The following RUVBL2 variants were observed in gnomAD, a reference collection of about 807,000 sequenced individuals.
RUVBL2 encodes the protein ruvB-like 2.
RUVBL2 carries 9 observed loss-of-function variants against 57.9 expected under a neutral mutation model. That is an observed-to-expected ratio of 0.16 (90% confidence interval 0.09 to 0.27). RUVBL2 has a LOEUF of 0.27. Ranked by LOEUF, RUVBL2 falls within the 10% of genes least tolerant of loss-of-function variation. RUVBL2 has a pLI of 1.00. For missense variants in RUVBL2, 456 were observed against 669.6 expected, an observed-to-expected ratio of 0.68 and a Z score of 3.52; for synonymous variants, 278 against 264.6, an observed-to-expected ratio of 1.05 and a Z score of -0.49.
rs2039534469 is a variant in RUVBL2, at chr19:49,015,699, A to G, written c.1366+13A>G. On this transcript the variant is annotated intron_variant, in intron 14 of 14. Transcript: ENST00000595090. ...TTCAACGAACTCAGTAAGAATCCCC[A>G]CCCCGCACCTGCACTGCCAGAGCCA... 6.2e-7 allele frequency: 1 copy of G among 1,611,440 alleles called. No individual in the cohort carries two copies. The highest frequency in any genetic ancestry group is 8.5e-7 in the Non-Finnish European group (1 of 1,178,124).
chr19:48,993,759 C>CG (rs1263497932), upstream of RUVBL2: 19 of 963,888 alleles, frequency 2.0e-5, no homozygotes, highest in African/African-American at 4.8e-5. Context: ...GGTGGGAGGG[C>CG]GGGGCATAAA....
chr19:49,011,447 A>G lies in RUVBL2; in HGVS notation c.1001+137A>G. The G allele has an allele frequency of 2.9e-6, 2 of 680,918 alleles. No individual in the cohort carries two copies. The highest frequency in any genetic ancestry group is 5.2e-5 in the East Asian group (2 of 38,312). The allele number at this position is 680,918 out of a possible 1,614,324, so 42.2% of individuals were successfully genotyped here. ...TGCAGTGTGCGCTCTTTGCTTACAA[A>G]AGGCGGGTGGGAGGCAGCTCTGCTT... On this transcript the variant is annotated intron_variant, in intron 11 of 14. Transcript: ENST00000595090. The surrounding 1 kb of genome is among the most constrained non-coding windows in gnomAD (Gnocchi z 4.4).
At chr19:49,010,172 C>T (rs1568640077) in intron 8 of RUVBL2, 106 bp downstream of exon 8, 1 of 1,059,760 alleles carries the variant, frequency 9.4e-7, no homozygotes, top group South Asian at 1.3e-5. Flanking sequence ...GTTACCCTGA[C>T]TGTTTGTCCT....
chr19:48,996,600 G>A (rs2039066885), intron 1 of RUVBL2, among the ~76,000 whole-genome samples: 2 of 150,832 alleles, frequency 1.3e-5, no homozygotes, highest in African/African-American at 4.9e-5. Flanking sequence ...ATCTCTGCTC[G>A]CTACAACCTC....
intron 5 of RUVBL2, 29 bp downstream of exon 5, chr19:49,007,176 G>T: frequency 6.2e-7 from 1 of 1,612,848 alleles, no homozygotes. Flanking sequence ...GCGGGTGCCA[G>T]ACCCCAGAGC....
rs1372595357 is a variant in RUVBL2 at position 49,010,614 on chromosome 19, G to T, written c.787+3G>T. ...GGGCTTCCTGGCGCTCTTCTCAGGT[G>T]AGGCCCCTCCTGCCCTGCCCTGCCC... On this transcript the variant is annotated splice_donor_region_variant and intron_variant, in intron 9 of 14. Transcript: ENST00000595090. 1.9e-6 allele frequency: 3 copies of T among 1,613,454 alleles called. No homozygotes were observed. The highest frequency in any genetic ancestry group is 2.5e-6 in the Non-Finnish European group (3 of 1,179,952).
intron 1 of RUVBL2, 62 bp downstream of exon 1, chr19:48,993,985 A>C: frequency 6.5e-7 from 1 of 1,546,720 alleles, no homozygotes. Flanking sequence ...AGAGAGGAGG[A>C]TGCTGGAGGC....
chr19:48,993,864 C>G, upstream of RUVBL2: 3 of 1,613,776 alleles, frequency 1.9e-6, no homozygotes, highest in Non-Finnish European at 2.5e-6. Context: ...ACATCTCGCT[C>G]CTCGCGCGTT....
rs369166879 is a variant in RUVBL2, at chr19:49,011,107, A to T, written c.882+14A>T. The T allele has an allele frequency of 1.9e-6, 3 of 1,605,060 alleles. No homozygotes were observed. The South Asian group carries it at 3.3e-5, about 18-fold the overall frequency. On this transcript the variant is annotated intron_variant, in intron 10 of 14. Coordinates refer to ENST00000595090, the MANE Select transcript of RUVBL2 (RefSeq NM_006666.3). This position sits in a 1 kb window ranked among gnomAD's most constrained non-coding sequence, Gnocchi z 4.4. ...ATCATCCCTGGAGTGAGGACCCAGG[A>T]CATGGCCGGGGCGGGTGGTGGGGTG...
chr19:48,993,476 C>T (rs1038945537), upstream of RUVBL2: 89 of 426,652 alleles, frequency 2.1e-4, no homozygotes, highest in African/African-American at 1.7e-3. Flanking sequence ...GGCCGTGAGA[C>T]CTCCAGGGGG....
chr19:49,009,436 G>A (rs1021468096), intron 6 of RUVBL2, among the ~76,000 whole-genome samples: 10 of 151,734 alleles, frequency 6.6e-5, no homozygotes, highest in Non-Finnish European at 1.3e-4. Context: ...GCAGTGAGCC[G>A]AGATCATGCT....
upstream of RUVBL2, chr19:48,993,811 C>A: frequency 6.3e-6 from 9 of 1,427,778 alleles, no homozygotes; most frequent in East Asian, 9.1e-5. Context: ...TTATGAGGAA[C>A]CATCGAGATC....
At chr19:49,004,010 A>G (rs1405687821) in intron 3 of RUVBL2, among the ~76,000 whole-genome samples, 1 of 149,842 alleles carries the variant, frequency 6.7e-6, no homozygotes, top group Non-Finnish European at 1.5e-5. Flanking sequence ...CAGCTACTCA[A>G]GAGGCTGAGG....
rs775508881 is a variant in RUVBL2, at chr19:49,014,571, C to T, written c.1089C>T (p.Ser363=). 33 of 1,613,980 alleles carry T rather than the reference C, an allele frequency of 2.0e-5. No homozygotes were observed. In the East Asian group the frequency reaches 2.4e-4, roughly 12 times the overall value. ...TTATCGTCTCCACCACCCCCTACAG[C>T]GAGAAAGACACGAAGCAGATCCTCC... is the stretch of plus-strand genomic sequence containing the variant. ...RLLIVSTTPY[S]EKDTKQILRI... Residue 363 remains serine (S), a synonymous_variant, in exon 12 of 15, where the codon AGC becomes AGT. Transcript: ENST00000595090.
chr19:49,002,421 T>TA (rs2039202765), intron 2 of RUVBL2, among the ~76,000 whole-genome samples: 1 of 152,056 alleles, frequency 6.6e-6, no homozygotes, highest in Non-Finnish European at 1.5e-5. Flanking sequence ...TCATCTAATG[T>TA]AAAGCATGGG....
chr19:49,010,112 G>A, intron 8 of RUVBL2, 46 bp downstream of exon 8: 2 of 1,531,680 alleles, frequency 1.3e-6, no homozygotes, highest in Non-Finnish European at 1.8e-6. Context: ...GCACTGGGGT[G>A]TTTTCATCTC....
At chr19:49,000,611 T>C (rs1202036010) in intron 2 of RUVBL2, among the ~76,000 whole-genome samples, 2 of 151,770 alleles carry the variant, frequency 1.3e-5, no homozygotes, top group Admixed American at 1.3e-4. Context: ...ACGCCTGTAA[T>C]CCCAGCACTT....
Position 49,004,387 on chromosome 19 carries a change from G to A in RUVBL2, c.234G>A (p.Gln78=). The A allele has an allele frequency of 6.2e-7, 1 of 1,613,148 alleles. No individual in the cohort carries two copies. Among genetic ancestry groups the A allele is most frequent in the Non-Finnish European group, 8.5e-7 (1 of 1,179,940 alleles). Residue 78 remains glutamine, a synonymous_variant, in exon 4 of 15, where the codon CAG becomes CAA. Transcript: ENST00000595090. The part of the protein sequence containing the change: ...IAGRAVLIAG[Q]PGTGKTAIAM... ...GTCGGGCAGTCCTTATTGCTGGCCA[G>A]CCGGGCACGGGGAAGACGGCCATCG...
chr19:49,011,183 C>CAA lies in RUVBL2; in HGVS notation c.883-8_883-7dup, dbSNP rs1258258243. ...CGGGTGGTGACTCTCACACACACCC[C>CAA]AATCCAAGGTGCTGTTCATCGACGA... On this transcript the variant is annotated splice_polypyrimidine_tract_variant and intron_variant, in intron 10 of 14. Transcript: ENST00000595090. This position sits in a 1 kb window ranked among gnomAD's most constrained non-coding sequence, Gnocchi z 4.4. 1.2e-6 allele frequency: 2 copies of CAA among 1,613,344 alleles called. No individual in the cohort carries two copies.
Sources: gnomAD v4.1 joint callset for allele counts (sites outside exome capture counted in the v4.1 genomes callset) on GRCh38, gnomAD v4.1.1 for gene constraint, Gnocchi (gnomAD v3.1) non-coding constraint, MANE v1.5 for transcripts, NCBI Gene and HGNC (gene_info 2026-07-23, HGNC 2026-07-21) for gene names.